NAALADL2: variants seen among roughly 807,000 people sequenced by gnomAD.
NAALADL2 encodes the protein N-acetylated alpha-linked acidic dipeptidase like 2.
NAALADL2 carries 76 observed loss-of-function variants against 87.2 expected under a neutral mutation model. The observed-to-expected ratio is 0.87, with a 90% confidence interval of 0.72 to 1.05. The LOEUF (loss-of-function observed/expected upper bound fraction) is 1.05. NAALADL2 is among the 50% of genes least tolerant of loss of function. NAALADL2 has a pLI of 0.00. For missense variants in NAALADL2, 1,089 were observed against 945.8 expected (o/e 1.15, Z -1.99); for synonymous variants, 354 against 331.0 (o/e 1.07, Z -0.75).
chr3:175,350,705 C>A (rs1763665963), intron 5 of NAALADL2, among the ~76,000 whole-genome samples: 1 of 152,130 alleles, frequency 6.6e-6, no homozygotes, highest in African/African-American at 2.4e-5. Flanking sequence ...AGGGAGAAGT[C>A]TCTCACTTTA....
At chr3:175,137,438 C>T (rs1258830218) in intron 2 of NAALADL2, among the ~76,000 whole-genome samples, 1 of 151,586 alleles carries the variant, frequency 6.6e-6, no homozygotes, top group African/African-American at 2.4e-5. Flanking sequence ...AATGACATGC[C>T]TTAATTTATT....
intron 1 of NAALADL2, among the ~76,000 whole-genome samples, chr3:175,072,724 A>G (rs1392293262): frequency 6.8e-6 from 1 of 147,516 alleles, no homozygotes; most frequent in Non-Finnish European, 1.5e-5. Flanking sequence ...GCATTAGGAG[A>G]TATACCTAAT....
chr3:174,957,017 C>T (rs1431969631), intron 1 of NAALADL2, among the ~76,000 whole-genome samples: 5 of 151,948 alleles, frequency 3.3e-5, no homozygotes, highest in Non-Finnish European at 7.4e-5. Context: ...CTGTCTGTAG[C>T]TTCAGTCACT....
chr3:175,705,564 A>C (rs962168900), intron 11 of NAALADL2, among the ~76,000 whole-genome samples: 2 of 152,164 alleles, frequency 1.3e-5, no homozygotes, highest in Middle Eastern at 3.4e-3. Flanking sequence ...GAAAAAAAAA[A>C]AACTAACACT....
chr3:175,366,015 C>T (rs1257311670), intron 5 of NAALADL2, among the ~76,000 whole-genome samples: 1 of 74,862 alleles, frequency 1.3e-5, no homozygotes, highest in Admixed American at 1.9e-4. Context: ...TGCTAACCCT[C>T]CCCCCTCCCC....
At chr3:175,601,438 A>C (rs915472207) in intron 10 of NAALADL2, among the ~76,000 whole-genome samples, 1 of 152,162 alleles carries the variant, frequency 6.6e-6, no homozygotes, top group African/African-American at 2.4e-5. Context: ...GAAAAATCCC[A>C]CTTTATTTTG....
chr3:175,763,764 TTCTC>T (rs1012549877), intron 13 of NAALADL2, among the ~76,000 whole-genome samples: 17 of 152,180 alleles, frequency 1.1e-4, no homozygotes, highest in Non-Finnish European at 2.5e-4. Flanking sequence ...CTCATCTTTA[TTCTC>T]TCTCCACATT....
At chr3:175,644,007 T>G (rs184493516) in intron 11 of NAALADL2, among the ~76,000 whole-genome samples, 62 of 152,262 alleles carry the variant, frequency 4.1e-4, no homozygotes, top group African/African-American at 1.3e-3. Context: ...GTGTAAGAGG[T>G]GCCTTGGTGT....
intron 5 of NAALADL2, among the ~76,000 whole-genome samples, chr3:175,334,292 T>G (rs1761748737): frequency 6.6e-6 from 1 of 152,126 alleles, no homozygotes; most frequent in Admixed American, 6.5e-5. Flanking sequence ...ATAGTAGAGG[T>G]AGCAATCCAT....
intron 3 of NAALADL2, among the ~76,000 whole-genome samples, chr3:174,739,276 A>G (rs1733521761): frequency 6.6e-6 from 1 of 152,126 alleles, no homozygotes; most frequent in African/African-American, 2.4e-5. Context: ...ATTAGGCAAC[A>G]GGCTTAGTGG....
chr3:175,737,479 T>A lies in NAALADL2; in HGVS notation c.1990+80T>A, dbSNP rs1744652056. On this transcript the variant is annotated intron_variant, in intron 12 of 13. Transcript: ENST00000454872. The stretch of plus-strand genomic sequence containing the variant: ...TTTCAACAAGGAATGGATGAAGTCA[T>A]CAATGATCTTACTAGCCATGGCAAT... The A allele has an allele frequency of 2.7e-5, 23 of 848,404 alleles. No homozygotes were observed. The South Asian group carries it at 3.2e-4, about 12-fold the overall frequency. 52.6% of individuals were successfully genotyped at this position (848,404 alleles called of 1,614,324 possible). A position where few individuals can be genotyped will look rare whatever the true frequency, so the allele number is the denominator to read the frequency against.
At chr3:175,393,454 A>C (rs1194420305) in intron 5 of NAALADL2, among the ~76,000 whole-genome samples, 2 of 151,982 alleles carry the variant, frequency 1.3e-5, no homozygotes, top group Non-Finnish European at 2.9e-5. Flanking sequence ...TTTTACTACT[A>C]TGCAAATTTG....
At chr3:174,785,484 CTA>C (rs1662941668) in intron 3 of NAALADL2, among the ~76,000 whole-genome samples, 1 of 152,148 alleles carries the variant, frequency 6.6e-6, no homozygotes, top group Non-Finnish European at 1.5e-5. Flanking sequence ...GTTCTCTATT[CTA>C]TTCCATTGCT....
chr3:175,503,514 C>T (rs959275932), intron 9 of NAALADL2, among the ~76,000 whole-genome samples: 2 of 152,154 alleles, frequency 1.3e-5, no homozygotes, highest in Non-Finnish European at 2.9e-5. Context: ...AAACCACTTT[C>T]CTCAGTGGCT....
intron 4 of NAALADL2, among the ~76,000 whole-genome samples, chr3:175,313,294 A>G (rs1013747134): frequency 1.3e-5 from 2 of 152,078 alleles, no homozygotes; most frequent in Admixed American, 1.3e-4. Context: ...TTTTGAGGGA[A>G]CACAATTCAG....
intron 1 of NAALADL2, among the ~76,000 whole-genome samples, chr3:174,482,472 A>C (rs1560008733): frequency 6.6e-6 from 1 of 152,108 alleles, no homozygotes. Flanking sequence ...AGAAAGAAGT[A>C]AAGTACTGCT....
intron 1 of NAALADL2, among the ~76,000 whole-genome samples, chr3:175,026,684 G>T (rs1317747882): frequency 6.6e-6 from 1 of 151,742 alleles, no homozygotes; most frequent in Non-Finnish European, 1.5e-5. Flanking sequence ...TGGTGAGCTA[G>T]TGGGAAGCAA....
chr3:175,323,854 A>G (rs545238227), intron 4 of NAALADL2, among the ~76,000 whole-genome samples: 69 of 78,646 alleles, frequency 8.8e-4, no homozygotes, highest in Non-Finnish European at 1.2e-3. Flanking sequence ...TGTCTCTACT[A>G]AAAATACAAA....
chr3:175,491,371 C>T (rs1231611520), intron 9 of NAALADL2, among the ~76,000 whole-genome samples: 1 of 151,592 alleles, frequency 6.6e-6, no homozygotes, highest in African/African-American at 2.4e-5. Context: ...CCCCACTTTT[C>T]AATCTGTGTA....
Sources: gnomAD v4.1 joint callset for allele counts (sites outside exome capture counted in the v4.1 genomes callset) on GRCh38, gnomAD v4.1.1 for gene constraint, MANE v1.5 for transcripts, NCBI Gene and HGNC (gene_info 2026-07-23, HGNC 2026-07-21) for gene names.